Variants in NLRC5 observed in about 807,000 individuals in gnomAD.
The protein encoded by NLRC5 is protein NLRC5.
NLRC5 carries 114 observed loss-of-function variants against 206.9 expected under a neutral mutation model. The ratio of observed to expected loss-of-function variants is 0.55; its 90% confidence interval spans 0.47 to 0.64. NLRC5 has a LOEUF of 0.64. NLRC5 is among the 30% of genes least tolerant of loss of function. The pLI is 0.00. For synonymous variants in NLRC5, 952 were observed against 962.8 expected (o/e 0.99, Z 0.21); for missense variants, 2,008 against 2,305.5 (o/e 0.87, Z 2.64).
At chr16:57,059,297 G>T (rs960835834) in intron 29 of NLRC5, 170 bp from the exon 30 acceptor site, 1 of 1,463,890 alleles carries the variant, frequency 6.8e-7, no homozygotes, top group Non-Finnish European at 9.0e-7. Context: ...GCCAGGTATT[G>T]CCATGCTCAC....
At position 57,062,027 on chromosome 16, in the gene NLRC5, T is replaced by C. The variant is rs909717551; in HGVS notation, c.4154+326T>C. On this transcript the variant is annotated intron_variant, in intron 32 of 48. Transcript: ENST00000688547. ...CTTGTCTGTCTGTTCACTATGATCA[T>C]TTTAAAACACTCAGAAAAAGAAGAT... 1.9e-5 allele frequency: 26 copies of C among 1,396,256 alleles called. No individual in the cohort carries two copies. The African/African-American group carries it at 3.5e-4, about 19-fold the overall frequency. The allele number at this position is 1,396,256 out of a possible 1,614,324, so 86.5% of individuals were successfully genotyped here.
chr16:57,045,390 C>T (rs1354442876), intron 20 of NLRC5, 58 bp from the exon 21 acceptor site: 5 of 1,596,152 alleles, frequency 3.1e-6, no homozygotes, highest in African/African-American at 1.3e-5. Context: ...GTTCTTGCCA[C>T]TGCCAGGGAA....
intron 13 of NLRC5, chr16:57,035,022 G>A (rs1348390792): frequency 6.6e-6 from 1 of 152,190 alleles, no homozygotes; most frequent in African/African-American, 2.4e-5. Context: ...GGAGAACCAG[G>A]ACAGAATTAG....
chr16:57,073,756 G>C (rs780978093), intron 38 of NLRC5, among the ~76,000 whole-genome samples: 1 of 152,146 alleles, frequency 6.6e-6, no homozygotes, highest in African/African-American at 2.4e-5. Flanking sequence ...ACCAGGCCCA[G>C]CTAATTTTTC....
chr16:57,080,280 GTAATTCATCTTTA>G, intron 46 of NLRC5, among the ~76,000 whole-genome samples: 1 of 152,222 alleles, frequency 6.6e-6, no homozygotes, highest in South Asian at 2.1e-4. Context: ...CAGATCAGTG[GTAATTCATCTTTA>G]ACACCTAACA....
At chr16:57,061,567 G>C (rs1479741095) in intron 31 of NLRC5, 36 bp downstream of exon 31, 8 of 1,608,860 alleles carry the variant, frequency 5.0e-6, no homozygotes, top group African/African-American at 1.3e-5. Flanking sequence ...GACAGCAGAG[G>C]GGTGGGGGCA....
Position 57,070,622 on chromosome 16 carries a change from A to C in NLRC5, c.4667+4A>C. 6.2e-7 allele frequency: 1 copy of C among 1,613,342 alleles called. No homozygotes were observed. The highest frequency in any genetic ancestry group is 8.5e-7 in the Non-Finnish European group (1 of 1,179,360). On this transcript the variant is annotated splice_donor_region_variant and intron_variant, in intron 38 of 48. Transcript: ENST00000688547. Reference sequence around the variant, plus strand: ...AATGGATGCTAAAGAGGCTGGAGTAAGTAGTGATGGTGGTTGTGGGTGAGT... The same window carrying C: ...AATGGATGCTAAAGAGGCTGGAGTACGTAGTGATGGTGGTTGTGGGTGAGT...
chr16:57,030,351 G>T (rs1421539048), intron 10 of NLRC5, among the ~76,000 whole-genome samples: 1 of 124,436 alleles, frequency 8.0e-6, no homozygotes, highest in East Asian at 3.4e-4. Context: ...TGGATGAATG[G>T]ATGGCTGAAA....
chr16:57,008,925 C>T (rs1048438201), intron 1 of NLRC5, among the ~76,000 whole-genome samples: 39 of 152,110 alleles, frequency 2.6e-4, no homozygotes, highest in Admixed American at 1.4e-3. Context: ...GAGTTACCAA[C>T]GGCTGGTGAA....
At chr16:57,042,925 T>G (rs1310093861) in intron 19 of NLRC5, among the ~76,000 whole-genome samples, 1 of 152,090 alleles carries the variant, frequency 6.6e-6, no homozygotes, top group Non-Finnish European at 1.5e-5. Flanking sequence ...GGAAGGAAGG[T>G]CTAACCATTG....
chr16:57,069,238 T>A (rs1303181744), intron 36 of NLRC5, among the ~76,000 whole-genome samples: 5 of 152,226 alleles, frequency 3.3e-5, no homozygotes, highest in African/African-American at 1.2e-4. Flanking sequence ...TGAATCAGCA[T>A]GACAGTTGCA....
intron 12 of NLRC5, 80 bp from the exon 13 acceptor site, chr16:57,034,088 C>G (rs1029218687): frequency 8.3e-7 from 1 of 1,205,858 alleles, no homozygotes; most frequent in Non-Finnish European, 1.2e-6. Context: ...CCCCCTGACT[C>G]CCCCAGCATT....
intron 1 of NLRC5, among the ~76,000 whole-genome samples, chr16:56,995,499 A>T (rs1175077590): frequency 6.6e-6 from 1 of 152,184 alleles, no homozygotes; most frequent in African/African-American, 2.4e-5. Flanking sequence ...AAATGTTTGA[A>T]ACCGTGTTGT....
chr16:57,016,192 G>T (rs1305495029), intron 1 of NLRC5, among the ~76,000 whole-genome samples: 1 of 152,158 alleles, frequency 6.6e-6, no homozygotes, highest in African/African-American at 2.4e-5. Context: ...TCCAGCCTGG[G>T]CAACAGAGCA....
intron 45 of NLRC5, 115 bp downstream of exon 45, chr16:57,079,407 T>C (rs2068845496): frequency 2.2e-6 from 3 of 1,386,888 alleles, no homozygotes; most frequent in African/African-American, 2.9e-5. Context: ...CCAGGGATGG[T>C]GGGGGCCTGG....
chr16:57,073,616 C>T (rs956173462), intron 38 of NLRC5, among the ~76,000 whole-genome samples: 1 of 152,180 alleles, frequency 6.6e-6, no homozygotes, highest in Non-Finnish European at 1.5e-5. Context: ...TTATTTGAGA[C>T]CCAGTCTCTC....
Position 57,020,777 on chromosome 16 carries a change from C to T in NLRC5, c.65C>T (p.Thr22Ile). The T allele has an allele frequency of 6.2e-7, 1 of 1,613,028 alleles. No homozygotes were observed. Among genetic ancestry groups the T allele is most frequent in the Non-Finnish European group, 8.5e-7 (1 of 1,179,822 alleles). ...NLWSCLVRLL[T>I]KDPEWLNAKM... The stretch of plus-strand genomic sequence containing the variant: ...TGGAGCTGTCTTGTGAGGCTGCTCA[C>T]CAAAGACCCAGAATGGCTGAACGCC... The change falls in exon 3 of 49, where the codon ACC (threonine) becomes ATC (isoleucine). Residue 22 changes from threonine to isoleucine, a missense_variant. Transcript: ENST00000688547.
intron 21 of NLRC5, among the ~76,000 whole-genome samples, 198 bp downstream of exon 21, chr16:57,045,690 C>T (rs559819521): frequency 1.3e-5 from 2 of 152,198 alleles, no homozygotes; most frequent in African/African-American, 4.8e-5. Flanking sequence ...CCCTGTTTTC[C>T]CCTTGGAAGG....
chr16:57,067,777 CCCTGCTGCTGCAGAGCCT>C lies in NLRC5; in HGVS notation c.4456_4473del (p.Leu1486_Leu1491del). The C allele has an allele frequency of 1.9e-6, 3 of 1,614,194 alleles. No individual in the cohort carries two copies. Among genetic ancestry groups the C allele is most frequent in the Non-Finnish European group, 2.5e-6 (3 of 1,180,010 alleles). On this transcript the variant is annotated inframe_deletion, in exon 36 of 49. Transcript: ENST00000688547. ...CTCTGTGAGGACGATGATGCCAGTT[CCCTGCTGCTGCAGAGCCT>C]CCTGCTGTCCCTCTCTGAGCTGAAG... is the stretch of plus-strand genomic sequence containing the variant.
Sources: gnomAD v4.1 joint callset for allele counts (sites outside exome capture counted in the v4.1 genomes callset) on GRCh38, gnomAD v4.1.1 for gene constraint, MANE v1.5 for transcripts, NCBI Gene and HGNC (gene_info 2026-07-23, HGNC 2026-07-21) for gene names.